ABHD18: variants seen among roughly 807,000 people sequenced by gnomAD.
ABHD18 encodes abhydrolase domain containing 18.
A neutral mutation model predicts 65.9 loss-of-function variants in ABHD18; 55 were observed. The observed-to-expected ratio is 0.84, with a 90% CI of 0.67 to 1.05. The LOEUF (loss-of-function observed/expected upper bound fraction) is 1.05, where lower values mean the gene tolerates loss of function less well. ABHD18 is among the 50% of genes least tolerant of loss of function. The probability of loss-of-function intolerance (pLI) is 0.00; values close to 1 mark genes in which losing one functional copy is unlikely to be tolerated. For missense variants in ABHD18, 533 were observed against 558.5 expected (o/e 0.95, Z 0.46); for synonymous variants, 181 against 180.2 (o/e 1.00, Z -0.04).
intron 1 of ABHD18, among the ~76,000 whole-genome samples, chr4:127,967,814 A>G (rs1745944581): frequency 6.6e-6 from 1 of 152,136 alleles, no homozygotes; most frequent in Non-Finnish European, 1.5e-5. Flanking sequence ...CCCATGGAAA[A>G]GAGGAGCTAA....
At chr4:127,968,706 T>C (rs1430702720) in intron 1 of ABHD18, among the ~76,000 whole-genome samples, 1 of 152,218 alleles carries the variant, frequency 6.6e-6, no homozygotes, top group Non-Finnish European at 1.5e-5. Flanking sequence ...CATTGATAAC[T>C]GTGTCATTTT....
In ABHD18 at chr4:128,030,610, T is replaced by A. The variant is rs760296163; in HGVS notation, c.1281T>A (p.Cys427Ter). 1.2e-6 allele frequency: 2 copies of A among 1,607,496 alleles called. No homozygotes were observed. The highest frequency in any genetic ancestry group is 1.7e-6 in the Non-Finnish European group (2 of 1,178,882). The change falls in exon 12 of 13, where the codon TGT becomes TGA. Residue 427 changes from cysteine (C) to a stop codon, truncating the protein, a stop_gained. Transcript: ENST00000645843. LOFTEE classifies it high-confidence loss of function. ...VRSLQEIWPGCEIRYLEGGHI... is the reference protein window; with the variant it reads ...VRSLQEIWPG ...GTTTACAAGAAATTTGGCCTGGTTGTGAAATCCGATACTTAGAAGGGGGTC... is the reference window on the plus strand; with the variant it reads ...GTTTACAAGAAATTTGGCCTGGTTGAGAAATCCGATACTTAGAAGGGGGTC...
chr4:127,980,407 A>G (rs1748805710), intron 1 of ABHD18, among the ~76,000 whole-genome samples: 1 of 131,300 alleles, frequency 7.6e-6, no homozygotes, highest in African/African-American at 2.6e-5. Context: ...GCTCTGTTAT[A>G]GCAACACAAA....
intron 4 of ABHD18, among the ~76,000 whole-genome samples, chr4:128,000,779 T>G (rs922795426): frequency 3.9e-5 from 6 of 152,228 alleles, no homozygotes; most frequent in African/African-American, 1.4e-4. Flanking sequence ...GGAATGTTTT[T>G]CCATTTGTTT....
intron 12 of ABHD18, 27 bp from the exon 13 acceptor site, chr4:128,035,735 G>C (rs775383752): frequency 3.1e-5 from 44 of 1,423,436 alleles, no homozygotes; most frequent in Non-Finnish European, 4.0e-5. Context: ...TAGTTACTTA[G>C]AGTTTTTCTT....
chr4:127,990,561 CA>C (rs1036573166), intron 4 of ABHD18, among the ~76,000 whole-genome samples: 7 of 149,056 alleles, frequency 4.7e-5, no homozygotes, highest in East Asian at 2.0e-4. Flanking sequence ...GACTCCATCT[CA>C]AAAAAAAAAT....
rs796205321 is a variant in ABHD18, at chr4:128,001,840, TGTTTTG to T, written c.279-7079_279-7074del. On this transcript the variant is annotated intron_variant, in intron 4 of 12. Coordinates refer to ENST00000645843, the MANE Select transcript of ABHD18 (RefSeq NM_001358451.3). Reference sequence around the variant, plus strand: ...AGTGGTTAGATGTTGAGTTTTGTTTTGTTTTGTTTTTTTTTTTAATTCCTTGTGCCT... The same window carrying T: ...AGTGGTTAGATGTTGAGTTTTGTTTTTTTTTTTTTTTAATTCCTTGTGCCT... 207 of 1,365,486 alleles carry T rather than the reference TGTTTTG, an allele frequency of 1.5e-4. 2 individuals are homozygous for T. The highest frequency in any genetic ancestry group is 4.2e-4 in the African/African-American group (24 of 57,178). 84.6% of individuals were successfully genotyped at this position (1,365,486 alleles called of 1,614,324 possible). A position where few individuals can be genotyped will look rare whatever the true frequency, so the allele number is the denominator to read the frequency against.
intron 3 of ABHD18, among the ~76,000 whole-genome samples, chr4:127,986,952 G>C (rs936998687): frequency 6.6e-6 from 1 of 152,146 alleles, no homozygotes; most frequent in African/African-American, 2.4e-5. Flanking sequence ...TGTATAATAT[G>C]TGTAATTCTA....
chr4:128,001,655 G>C, intron 4 of ABHD18: 1 of 1,496,804 alleles, frequency 6.7e-7, no homozygotes, highest in Non-Finnish European at 8.9e-7. Flanking sequence ...TGCAATTCTT[G>C]GTTCAAAATA....
chr4:128,003,108 C>T (rs941073966), intron 4 of ABHD18, among the ~76,000 whole-genome samples: 3 of 151,960 alleles, frequency 2.0e-5, no homozygotes, highest in Non-Finnish European at 4.4e-5. Flanking sequence ...GTGGCTCACA[C>T]CTGTAATCCC....
In ABHD18 at chr4:128,028,734, G is replaced by T; in HGVS notation, c.1061G>T (p.Arg354Leu). 10 of 1,613,862 alleles carry T rather than the reference G, an allele frequency of 6.2e-6. No homozygotes were observed. The highest frequency in any genetic ancestry group is 8.5e-6 in the Non-Finnish European group (10 of 1,179,854). Residue 354 changes from arginine (R) to leucine (L), a missense_variant, in exon 11 of 13, where the codon CGC becomes CTC. Around this residue, in one of 3 missense-constraint regions of ABHD18, gnomAD observed 220 missense variants for 226.8 expected, o/e 0.97. Transcript: ENST00000645843. ...ACCAACAAAAGTGGTTATACAAGTC[G>T]CAACCCTCAGTCATACCACCTACTT... ...LSTNKSGYTS[R>L]NPQSYHLLSK... is the part of the protein sequence containing the mutation.
intron 10 of ABHD18, among the ~76,000 whole-genome samples, chr4:128,028,031 C>T (rs1015151680): frequency 6.6e-6 from 1 of 152,128 alleles, no homozygotes; most frequent in African/African-American, 2.4e-5. Context: ...GTGCATAGTT[C>T]AGTGGCATTA....
At chr4:127,997,689 GCAA>G (rs1751963333) in intron 4 of ABHD18, among the ~76,000 whole-genome samples, 1 of 152,166 alleles carries the variant, frequency 6.6e-6, no homozygotes, top group Non-Finnish European at 1.5e-5. Context: ...GCGGCAGTAG[GCAA>G]CTATGTGATT....
chr4:128,023,755 G>T (rs1756920698), intron 10 of ABHD18, among the ~76,000 whole-genome samples: 1 of 152,100 alleles, frequency 6.6e-6, no homozygotes, highest in South Asian at 2.1e-4. Flanking sequence ...TGGCAGGCAG[G>T]CGCCTGCAGT....
chr4:128,015,546 A>T (rs1208641286), intron 7 of ABHD18, among the ~76,000 whole-genome samples: 1 of 149,392 alleles, frequency 6.7e-6, no homozygotes, highest in Admixed American at 6.7e-5. Context: ...GATAAGAATA[A>T]TTTTTTTTTT....
chr4:127,975,217 A>G (rs1560820191), intron 1 of ABHD18, among the ~76,000 whole-genome samples: 3 of 152,012 alleles, frequency 2.0e-5, no homozygotes. Context: ...GTATATTTAT[A>G]TTGTTGCGCA....
chr4:128,001,074 T>C (rs1324973428), intron 4 of ABHD18, among the ~76,000 whole-genome samples: 1 of 152,142 alleles, frequency 6.6e-6, no homozygotes, highest in Non-Finnish European at 1.5e-5. Context: ...AATATTATAT[T>C]GTCTGCAAAG....
In ABHD18 at chr4:128,028,686, A is replaced by G. The variant is rs373013839; in HGVS notation, c.1013A>G (p.Lys338Arg). The G allele has an allele frequency of 1.9e-6, 3 of 1,613,816 alleles. No homozygotes were observed. The highest frequency in any genetic ancestry group is 1.6e-4 in the Middle Eastern group (1 of 6,082). ...GLLLQDTSKM[K>R]RFNQTLSTNK... ...TTATTGCAAGATACCTCTAAGATGAAGCGCTTCAATCAAACACTTTCAACC... is the reference window on the plus strand; with the variant it reads ...TTATTGCAAGATACCTCTAAGATGAGGCGCTTCAATCAAACACTTTCAACC... The change falls in exon 11 of 13, where the codon AAG becomes AGG. Residue 338 changes from lysine (K) to arginine (R), a missense_variant. Physicochemically the swap from Lys to Arg is conservative, Grantham distance 26. Around this residue, in one of 3 missense-constraint regions of ABHD18, gnomAD observed 220 missense variants for 226.8 expected, o/e 0.97. Transcript: ENST00000645843.
At chr4:127,990,571 A>T (rs12640683) in intron 4 of ABHD18, among the ~76,000 whole-genome samples, 99 of 150,766 alleles carry the variant, frequency 6.6e-4, no homozygotes, top group South Asian at 2.3e-3. Flanking sequence ...CAAAAAAAAA[A>T]TTTTTTTTTT....
Sources: allele counts gnomAD v4.1 joint callset (sites outside exome capture counted in the v4.1 genomes callset), GRCh38; gene constraint gnomAD v4.1.1; regional missense constraint gnomAD v4.1.1; transcripts MANE v1.5; gene names NCBI Gene and HGNC (gene_info 2026-07-23, HGNC 2026-07-21).